Variants in HHIPL1 observed in about 807,000 individuals in gnomAD.
HHIPL1 encodes HHIP-like protein 1.
Under a neutral mutation model 61.8 loss-of-function variants are expected in HHIPL1, and 43 were observed. The ratio of observed to expected loss-of-function variants is 0.70; its 90% confidence interval spans 0.55 to 0.90. HHIPL1 has a LOEUF of 0.90. HHIPL1 is among the 40% of genes least tolerant of loss of function. The pLI is 0.00. For missense variants in HHIPL1, 1,056 were observed against 1,157.7 expected, an observed-to-expected ratio of 0.91 and a Z score of 1.28; for synonymous variants, 482 against 515.8, an observed-to-expected ratio of 0.93 and a Z score of 0.89.
Position 99,675,336 on chromosome 14 carries a change from C to G in HHIPL1, c.2059C>G (p.Arg687Gly). Reference protein sequence around the residue: ...RPAGLSSGSGRVEVFVGGRWG... With the variant: ...RPAGLSSGSGGVEVFVGGRWG... ...CGCGGGCCTGAGCTCTGGCAGCGGG[C>G]GCGTGGAGGTGTTCGTGGGCGGACG... The change falls in exon 9 of 9, where the codon CGC (arginine) becomes GGC (glycine). Residue 687 changes from arginine to glycine, a missense_variant. Coordinates refer to ENST00000330710, the MANE Select transcript of HHIPL1 (RefSeq NM_001127258.3). This position sits in a 1 kb window ranked among gnomAD's most constrained non-coding sequence, Gnocchi z 5.4. The G allele has an allele frequency of 1.4e-6, 2 of 1,436,472 alleles. No homozygotes were observed. Among genetic ancestry groups the G allele is most frequent in the Non-Finnish European group, 1.8e-6 (2 of 1,094,916 alleles). The allele number at this position is 1,436,472 out of a possible 1,614,324, so 89.0% of individuals were successfully genotyped here. A position where few individuals can be genotyped will look rare whatever the true frequency, so the allele number is the denominator to read the frequency against.
chr14:99,675,659 G>A lies in HHIPL1; in HGVS notation c.*33G>A, dbSNP rs1595174073. 2.0e-6 allele frequency: 3 copies of A among 1,474,694 alleles called. No homozygotes were observed. Among genetic ancestry groups the A allele is most frequent in the Non-Finnish European group, 2.7e-6 (3 of 1,113,596 alleles). The allele number at this position is 1,474,694 out of a possible 1,614,324, so 91.4% of individuals were successfully genotyped here. On this transcript the variant is annotated 3_prime_UTR_variant, in exon 9 of 9. Coordinates refer to ENST00000330710, the MANE Select transcript of HHIPL1 (RefSeq NM_001127258.3). The surrounding 1 kb of genome is among the most constrained non-coding windows in gnomAD (Gnocchi z 5.4). ...GCCGCTGCCCCAGGCCATCCCGCCG[G>A]CGGGGGAGCCTGGCAGGGGCCGCTC...
chr14:99,622,991 C>T, the HHIPL1 span, among the ~76,000 whole-genome samples: 4 of 152,366 alleles, frequency 2.6e-5, 1 homozygote, highest in African/African-American at 7.2e-5. Flanking sequence ...GAACAAGACC[C>T]ATGTGCTATG....
the HHIPL1 span, among the ~76,000 whole-genome samples, chr14:99,620,522 G>C: frequency 6.6e-6 from 1 of 152,352 alleles, no homozygotes; most frequent in East Asian, 1.9e-4. Context: ...GGGGTGTCCA[G>C]GCTCCTCCTT....
Position 99,657,071 on chromosome 14 carries a change from A to G in HHIPL1, c.974A>G (p.Tyr325Cys), listed in dbSNP as rs767689809. Residue 325 changes from tyrosine (Y) to cysteine (C), a missense_variant, in exon 3 of 9, where the codon TAC (tyrosine) becomes TGC (cysteine). Physicochemically the swap from Tyr to Cys is radical, Grantham distance 194 (BLOSUM62 -2). Coordinates refer to ENST00000330710, the MANE Select transcript of HHIPL1 (RefSeq NM_001127258.3). ...CAGCTGCTTTTCGGGGATGACGGGTACCTCTACATCTTCACTGGAGATGGC... is the reference window on the plus strand; with the variant it reads ...CAGCTGCTTTTCGGGGATGACGGGTGCCTCTACATCTTCACTGGAGATGGC... ...GGQLLFGDDG[Y>C]LYIFTGDGGM... 1.9e-6 allele frequency: 3 copies of G among 1,613,582 alleles called. No homozygotes were observed. Among genetic ancestry groups the G allele is most frequent in the Non-Finnish European group, 2.5e-6 (3 of 1,179,814 alleles).
the HHIPL1 span, among the ~76,000 whole-genome samples, chr14:99,633,829 C>T: frequency 6.6e-6 from 1 of 152,182 alleles, no homozygotes; most frequent in Non-Finnish European, 1.5e-5. Context: ...GGATTGTCGC[C>T]TGGAATTTGG....
At chr14:99,641,962 CAG>C, upstream of HHIPL1, among the ~76,000 whole-genome samples, 1 of 151,040 alleles carries the variant, frequency 6.6e-6, no homozygotes, top group East Asian at 1.9e-4. Context: ...TTCTTTGAGA[CAG>C]AGTCTCGCTC....
chr14:99,635,726 C>G, the HHIPL1 span, among the ~76,000 whole-genome samples: 3 of 152,176 alleles, frequency 2.0e-5, no homozygotes, highest in Non-Finnish European at 2.9e-5. Flanking sequence ...GCAGTCCAGG[C>G]CCTGCAGCTC....
At chr14:99,640,659 A>G (rs1167988731), upstream of HHIPL1, among the ~76,000 whole-genome samples, 1 of 152,130 alleles carries the variant, frequency 6.6e-6, no homozygotes, top group Non-Finnish European at 1.5e-5. Context: ...TACAGAGGAA[A>G]TACATTTTTT....
At position 99,675,704 on chromosome 14, in the gene HHIPL1, G is replaced by A. The variant is rs950225846; in HGVS notation, c.*78G>A. On this transcript the variant is annotated 3_prime_UTR_variant, in exon 9 of 9. Transcript: ENST00000330710. This position sits in a 1 kb window ranked among gnomAD's most constrained non-coding sequence, Gnocchi z 5.4. The stretch of plus-strand genomic sequence containing the variant: ...CCGCTCCGCCCTGTGTGCGCCCAGC[G>A]GGTGCACACGTGTTCTAGAGTGAAG... 7.7e-5 allele frequency: 105 copies of A among 1,367,072 alleles called. No individual in the cohort carries two copies. The highest frequency in any genetic ancestry group is 2.4e-4 in the Middle Eastern group (1 of 4,112). 84.7% of individuals were successfully genotyped at this position (1,367,072 alleles called of 1,614,324 possible).
At chr14:99,647,755 G>A (rs1359341161) in intron 1 of HHIPL1, among the ~76,000 whole-genome samples, 1 of 152,330 alleles carries the variant, frequency 6.6e-6, no homozygotes, top group East Asian at 1.9e-4. Context: ...AGGTGGTGGA[G>A]GTGCCTTATT....
the HHIPL1 span, among the ~76,000 whole-genome samples, chr14:99,635,910 G>A: frequency 3.9e-5 from 6 of 152,174 alleles, no homozygotes; most frequent in South Asian, 2.1e-4. Flanking sequence ...AGGCTGAAAC[G>A]TGGAGCAGGA....
chr14:99,657,272 TC>T, intron 3 of HHIPL1, 129 bp downstream of exon 3: 10 of 1,094,236 alleles, frequency 9.1e-6, no homozygotes, highest in South Asian at 1.4e-5. Flanking sequence ...GGGTCCCAGC[TC>T]AGCCTGCAGC....
chr14:99,641,029 G>A (rs762838457), upstream of HHIPL1, among the ~76,000 whole-genome samples: 6 of 151,836 alleles, frequency 4.0e-5, no homozygotes, highest in Non-Finnish European at 7.4e-5. Context: ...TGGGATTACA[G>A]GCATCCGCCA....
chr14:99,605,004 G>T, the HHIPL1 span, among the ~76,000 whole-genome samples: 4 of 152,268 alleles, frequency 2.6e-5, no homozygotes, highest in Non-Finnish European at 4.4e-5. Context: ...CCGCGCCCCT[G>T]CAGGGCCAGG....
At chr14:99,648,697 TG>T (rs2055879624) in intron 1 of HHIPL1, among the ~76,000 whole-genome samples, 1 of 152,136 alleles carries the variant, frequency 6.6e-6, no homozygotes, top group Non-Finnish European at 1.5e-5. Flanking sequence ...GGGCCAGGGA[TG>T]GGACAGTCAG....
chr14:99,607,021 C>CTTTTTTTTTT, the HHIPL1 span, among the ~76,000 whole-genome samples: 13 of 68,424 alleles, frequency 1.9e-4, 2 homozygotes, highest in Non-Finnish European at 2.9e-4. Context: ...GTGACTTTGC[C>CTTTTTTTTTT]TTTTTTTTTT....
intron 2 of HHIPL1, among the ~76,000 whole-genome samples, chr14:99,653,525 G>T (rs912047597): frequency 2.0e-5 from 3 of 152,126 alleles, no homozygotes; most frequent in African/African-American, 7.2e-5. Flanking sequence ...TGGAGACAGG[G>T]TTCCACTGTG....
At chr14:99,610,759 T>TA in the HHIPL1 span, among the ~76,000 whole-genome samples, 13 of 79,770 alleles carry the variant, frequency 1.6e-4, no homozygotes, top group Admixed American at 1.4e-3. Context: ...AGACTCCACC[T>TA]CAAAAAAAAA....
the HHIPL1 span, among the ~76,000 whole-genome samples, chr14:99,638,599 A>G: frequency 1.3e-5 from 2 of 152,112 alleles, no homozygotes; most frequent in Non-Finnish European, 2.9e-5. Flanking sequence ...GGGGCCAGCA[A>G]AGGCCTGGTC....
Sources: gnomAD v4.1 joint callset for allele counts (sites outside exome capture counted in the v4.1 genomes callset) on GRCh38, gnomAD v4.1.1 for gene constraint, Gnocchi (gnomAD v3.1) non-coding constraint, MANE v1.5 for transcripts, NCBI Gene and HGNC (gene_info 2026-07-23, HGNC 2026-07-21) for gene names.